Variants in ARSG observed in about 807,000 individuals in gnomAD.
The protein encoded by ARSG is ASG.
Under a neutral mutation model 50.5 loss-of-function variants are expected in ARSG, and 37 were observed. That is an observed-to-expected ratio of 0.73 (90% CI 0.56 to 0.96). The LOEUF (loss-of-function observed/expected upper bound fraction) is 0.96, where lower values mean the gene tolerates loss of function less well. Ranked by LOEUF, ARSG falls within the 50% of genes least tolerant of loss-of-function variation. ARSG has a pLI of 0.00. For synonymous variants in ARSG, 225 were observed against 254.6 expected, an observed-to-expected ratio of 0.88 and a Z score of 1.11; for missense variants, 629 against 675.3, an observed-to-expected ratio of 0.93 and a Z score of 0.76.
At chr17:68,336,189 G>A (rs1041319075) in intron 2 of ARSG, among the ~76,000 whole-genome samples, 5 of 149,724 alleles carry the variant, frequency 3.3e-5, no homozygotes, top group South Asian at 2.1e-4. Context: ...GTCAGCCACC[G>A]TGCCTGGTCT....
chr17:68,437,394 A>C, the ARSG span, among the ~76,000 whole-genome samples: 1 of 151,950 alleles, frequency 6.6e-6, no homozygotes. Flanking sequence ...GTCTCTATTA[A>C]AAATACAAAA....
intron 1 of ARSG, among the ~76,000 whole-genome samples, chr17:68,293,174 T>C (rs563395824): frequency 6.6e-6 from 1 of 152,242 alleles, no homozygotes; most frequent in Non-Finnish European, 1.5e-5. Flanking sequence ...CACTTCATGC[T>C]AATGCAGGGC....
intron 1 of ARSG, among the ~76,000 whole-genome samples, chr17:68,304,878 T>TA (rs1271502330): frequency 1.3e-5 from 2 of 152,150 alleles, no homozygotes; most frequent in African/African-American, 4.8e-5. Flanking sequence ...TCCTCCTTAT[T>TA]AAACTTGCAA....
intron 4 of ARSG, among the ~76,000 whole-genome samples, chr17:68,348,615 T>C (rs2078616614): frequency 6.6e-6 from 1 of 152,162 alleles, no homozygotes. Context: ...TAGAGTGCAG[T>C]GGCATGATCT....
chr17:68,448,241 A>T, the ARSG span: 1 of 152,170 alleles, frequency 6.6e-6, no homozygotes, highest in Non-Finnish European at 1.5e-5. Context: ...GAGTTGCTTA[A>T]ACCAAAATTT....
intron 8 of ARSG, among the ~76,000 whole-genome samples, chr17:68,375,876 T>G (rs2080119511): frequency 2.0e-5 from 3 of 152,112 alleles, no homozygotes; most frequent in African/African-American, 7.2e-5. Flanking sequence ...AACGATCTTT[T>G]CAGTTTGGCT....
At chr17:68,441,725 C>T in the ARSG span, among the ~76,000 whole-genome samples, 30 of 152,316 alleles carry the variant, frequency 2.0e-4, no homozygotes, top group South Asian at 4.1e-3. Context: ...GCCACAACCT[C>T]AGGTAACGCT....
chr17:68,335,417 A>G (rs1285289821), intron 2 of ARSG, among the ~76,000 whole-genome samples: 3 of 151,364 alleles, frequency 2.0e-5, no homozygotes, highest in African/African-American at 4.8e-5. Context: ...AGCCGGGCGT[A>G]GTGGCGGGCG....
intron 9 of ARSG, among the ~76,000 whole-genome samples, chr17:68,386,436 G>A (rs1316575816): frequency 6.6e-6 from 1 of 152,168 alleles, no homozygotes. Flanking sequence ...GGGAGGAGGG[G>A]AGAGACTCAA....
chr17:68,445,052 C>G, the ARSG span, among the ~76,000 whole-genome samples: 2 of 151,636 alleles, frequency 1.3e-5, no homozygotes, highest in Admixed American at 6.6e-5. Flanking sequence ...TCCTGAGTAG[C>G]TGGGATTACA....
At chr17:68,407,652 C>T (rs574097414) in intron 11 of ARSG, among the ~76,000 whole-genome samples, 209 of 151,684 alleles carry the variant, frequency 1.4e-3, no homozygotes, top group Non-Finnish European at 2.6e-3. Flanking sequence ...TTTGACTCTC[C>T]GCTTGGTTGC....
intron 11 of ARSG, among the ~76,000 whole-genome samples, chr17:68,413,156 G>C (rs1327618663): frequency 6.6e-6 from 1 of 152,106 alleles, no homozygotes; most frequent in Non-Finnish European, 1.5e-5. Flanking sequence ...TTGTTCCGTT[G>C]CTGGTGAGGA....
intron 11 of ARSG, among the ~76,000 whole-genome samples, chr17:68,403,115 TAAAAATGTCAC>T (rs1483301379): frequency 6.6e-6 from 1 of 152,180 alleles, no homozygotes; most frequent in African/African-American, 2.4e-5. Context: ...TGAGGGGTAT[TAAAAATGTCAC>T]AAAAATCTTT....
At chr17:68,370,171 T>G (rs1568535276) in intron 7 of ARSG, among the ~76,000 whole-genome samples, 1 of 152,066 alleles carries the variant, frequency 6.6e-6, no homozygotes, top group Non-Finnish European at 1.5e-5. Flanking sequence ...CCCACCACCA[T>G]GCCCGGCTAA....
rs1324248208 is a variant in ARSG, at chr17:68,271,117, C to T, written c.-552+11691C>T. 1.2e-6 allele frequency: 2 copies of T among 1,614,072 alleles called. No homozygotes were observed. The highest frequency in any genetic ancestry group is 1.7e-6 in the Non-Finnish European group (2 of 1,180,054). On this transcript the variant is annotated intron_variant, in intron 1 of 11. Coordinates refer to the ARSG transcript ENST00000448504. This position sits in a 1 kb window ranked among gnomAD's most constrained non-coding sequence, Gnocchi z 5.3. ...AATGGGCTCCCTGTTGAGGACAAAACCAGCTCCGATCCTTCCGAAAACTTC... is the reference window on the plus strand; with the variant it reads ...AATGGGCTCCCTGTTGAGGACAAAATCAGCTCCGATCCTTCCGAAAACTTC...
intron 6 of ARSG, among the ~76,000 whole-genome samples, chr17:68,364,645 G>A (rs1483092305): frequency 6.6e-6 from 1 of 152,162 alleles, no homozygotes; most frequent in Non-Finnish European, 1.5e-5. Flanking sequence ...ACAAGTGTGA[G>A]GATAACCTGT....
Position 68,367,096 on chromosome 17 carries a change from T to A in ARSG, c.705-1452T>A, listed in dbSNP as rs745540394. 1.3e-5 allele frequency among the ~76,000 whole-genome samples: 2 copies of A among 152,258 alleles called. No homozygotes were observed. Among genetic ancestry groups the A allele is most frequent in the Non-Finnish European group, 2.9e-5 (2 of 68,048 alleles). ...AACTTTTAATATGATTTAATTTTCATTAATTTAAATCTAAATAGGTACATG... is the reference window on the plus strand; with the variant it reads ...AACTTTTAATATGATTTAATTTTCAATAATTTAAATCTAAATAGGTACATG... On this transcript the variant is annotated intron_variant, in intron 6 of 11. Coordinates refer to ENST00000621439, the MANE Select transcript of ARSG (RefSeq NM_001267727.2). The surrounding 1 kb of genome is among the most constrained non-coding windows in gnomAD (Gnocchi z 4.5).
intron 11 of ARSG, among the ~76,000 whole-genome samples, chr17:68,417,765 T>TTTTTTATTG (rs2082480484): frequency 8.4e-6 from 1 of 118,770 alleles, no homozygotes. Flanking sequence ...TTTTTTTTTT[T>TTTTTTATTG]GAGATGGAGT....
rs555054482 is a variant in ARSG at position 68,353,032 on chromosome 17, T to G, written c.566+1346T>G. On this transcript the variant is annotated intron_variant, in intron 5 of 11. Coordinates refer to ENST00000621439, the MANE Select transcript of ARSG (RefSeq NM_001267727.2). Reference sequence around the variant, plus strand: ...AGGTGAGTCTCAGCTCGTCTATCTATAAAACAATAGTTAATATAATAGTGG... The same window carrying G: ...AGGTGAGTCTCAGCTCGTCTATCTAGAAAACAATAGTTAATATAATAGTGG... 6.6e-5 allele frequency among the ~76,000 whole-genome samples: 10 copies of G among 152,262 alleles called. No individual in the cohort carries two copies. The South Asian group carries it at 2.1e-3, about 32-fold the overall frequency.
Sources: allele counts gnomAD v4.1 joint callset (sites outside exome capture counted in the v4.1 genomes callset), GRCh38; gene constraint gnomAD v4.1.1; non-coding constraint Gnocchi (gnomAD v3.1); transcripts MANE v1.5; gene names NCBI Gene and HGNC (gene_info 2026-07-23, HGNC 2026-07-21).